Variants in GABRG3 observed in about 807,000 individuals in gnomAD.
The protein encoded by GABRG3 is gamma-aminobutyric acid type A receptor subunit gamma3.
In GABRG3, 25 loss-of-function variants were observed where a neutral mutation model predicts 48.8. The ratio of observed to expected loss-of-function variants is 0.51; its 90% CI spans 0.37 to 0.72. The LOEUF (loss-of-function observed/expected upper bound fraction) is 0.72, where lower values mean the gene tolerates loss of function less well. GABRG3 is among the 30% of genes least tolerant of loss of function. The pLI, the probability that GABRG3 is intolerant of heterozygous loss-of-function variation, is 0.00. For synonymous variants in GABRG3, 227 were observed against 217.6 expected (o/e 1.04, Z -0.38); for missense variants, 394 against 577.9 (o/e 0.68, Z 3.26).
At chr15:27,429,346 T>C (rs921151289) in intron 5 of GABRG3, among the ~76,000 whole-genome samples, 17 of 152,200 alleles carry the variant, frequency 1.1e-4, no homozygotes, top group Non-Finnish European at 1.9e-4. Flanking sequence ...CCTTCAGAGT[T>C]AGCAGAAGGG....
intron 5 of GABRG3, among the ~76,000 whole-genome samples, chr15:27,477,918 T>A (rs986441284): frequency 6.6e-6 from 1 of 151,788 alleles, no homozygotes; most frequent in African/African-American, 2.4e-5. Context: ...TGGTGGCAGG[T>A]GCCTGCAGTC....
chr15:27,278,688 C>T (rs1037347192), intron 3 of GABRG3, among the ~76,000 whole-genome samples: 5 of 152,208 alleles, frequency 3.3e-5, no homozygotes, highest in Admixed American at 2.0e-4. Context: ...TTTGTTTAAC[C>T]ACTCACTCCT....
chr15:27,097,333 C>G (rs1448767197), intron 3 of GABRG3, among the ~76,000 whole-genome samples: 1 of 152,002 alleles, frequency 6.6e-6, no homozygotes, highest in Non-Finnish European at 1.5e-5. Context: ...GTACTTGGGG[C>G]TTAGAAAGAG....
intron 6 of GABRG3, among the ~76,000 whole-genome samples, chr15:27,486,953 A>G (rs1890235251): frequency 6.6e-6 from 1 of 152,204 alleles, no homozygotes; most frequent in African/African-American, 2.4e-5. Context: ...GCAAATAGGA[A>G]TATATGTTTA....
intron 3 of GABRG3, among the ~76,000 whole-genome samples, chr15:27,237,240 G>C (rs1371819140): frequency 6.6e-6 from 1 of 152,252 alleles, no homozygotes; most frequent in African/African-American, 2.4e-5. Context: ...CCCACGAGCA[G>C]AGTTTCAGGA....
intron 2 of GABRG3, among the ~76,000 whole-genome samples, chr15:27,015,210 A>G (rs1208017648): frequency 6.6e-6 from 1 of 152,112 alleles, no homozygotes; most frequent in Non-Finnish European, 1.5e-5. Context: ...ATCTTTTTAA[A>G]ATCCATTTAG....
chr15:27,413,285 G>A (rs1321562063), intron 5 of GABRG3, among the ~76,000 whole-genome samples: 3 of 152,046 alleles, frequency 2.0e-5, no homozygotes, highest in African/African-American at 7.2e-5. Flanking sequence ...TTTATTTTAA[G>A]ACTACACATC....
At chr15:27,227,521 A>T (rs1270969470) in intron 3 of GABRG3, among the ~76,000 whole-genome samples, 4 of 151,970 alleles carry the variant, frequency 2.6e-5, no homozygotes. Context: ...AATGTAATAA[A>T]ATATATATTT....
chr15:27,009,245 G>T (rs1477530732), intron 2 of GABRG3, among the ~76,000 whole-genome samples: 1 of 152,148 alleles, frequency 6.6e-6, no homozygotes, highest in Non-Finnish European at 1.5e-5. Flanking sequence ...TGTAGAACAA[G>T]CCGTCAGTGT....
chr15:26,971,730 T>G, intron 1 of GABRG3, 142 bp downstream of exon 1: 1 of 891,320 alleles, frequency 1.1e-6, no homozygotes, highest in Non-Finnish European at 1.6e-6. Context: ...GGGAAGTCGG[T>G]CTGCACCTCA....
intron 7 of GABRG3, among the ~76,000 whole-genome samples, chr15:27,524,498 AT>A (rs1200966904): frequency 2.0e-5 from 3 of 152,144 alleles, no homozygotes; most frequent in African/African-American, 4.8e-5. Context: ...AGTTTTCTAA[AT>A]TACTTATAAT....
At chr15:27,317,038 G>C (rs1379860833) in intron 3 of GABRG3, among the ~76,000 whole-genome samples, 2 of 152,134 alleles carry the variant, frequency 1.3e-5, no homozygotes, top group Non-Finnish European at 2.9e-5. Context: ...TGCTTTGATT[G>C]ATTGATTTGT....
At chr15:27,530,262 G>A (rs971240703) in intron 9 of GABRG3, among the ~76,000 whole-genome samples, 3 of 152,148 alleles carry the variant, frequency 2.0e-5, no homozygotes, top group South Asian at 4.1e-4. Flanking sequence ...CAGGAAGCAC[G>A]GTGCTCTGGG....
At chr15:27,143,606 A>G (rs1898145363) in intron 3 of GABRG3, among the ~76,000 whole-genome samples, 1 of 152,210 alleles carries the variant, frequency 6.6e-6, no homozygotes, top group South Asian at 2.1e-4. Flanking sequence ...TTTCACAACA[A>G]CATTTGAGAT....
intron 3 of GABRG3, among the ~76,000 whole-genome samples, chr15:27,101,310 G>T (rs1042893005): frequency 1.3e-5 from 2 of 152,130 alleles, no homozygotes; most frequent in African/African-American, 4.8e-5. Flanking sequence ...AGAAAGCAGA[G>T]AAGCCCTAAG....
At position 26,976,722 on chromosome 15, in the gene GABRG3, A is replaced by C. The variant is rs1595450924; in HGVS notation, c.54-280A>C. On this transcript the variant is annotated intron_variant, in intron 1 of 9. Coordinates refer to ENST00000615808, the MANE Select transcript of GABRG3 (RefSeq NM_033223.5). The surrounding 1 kb of genome is among the most constrained non-coding windows in gnomAD (Gnocchi z 7.8). ...GCTGGTTGGCCCTCTGGTGTTGTTT[A>C]CCTGCCACGTTGTCTGTAGTTTAAC... 6.6e-6 allele frequency among the ~76,000 whole-genome samples: 1 copy of C among 151,998 alleles called. No individual in the cohort carries two copies. Among genetic ancestry groups the C allele is most frequent in the Admixed American group, 6.5e-5 (1 of 15,272 alleles).
At chr15:27,234,629 G>A (rs1889899972) in intron 3 of GABRG3, among the ~76,000 whole-genome samples, 1 of 152,094 alleles carries the variant, frequency 6.6e-6, no homozygotes, top group South Asian at 2.1e-4. Context: ...CCTGGGTACT[G>A]GTGCTGGACT....
At chr15:27,472,114 A>G (rs141504350) in intron 5 of GABRG3, among the ~76,000 whole-genome samples, 106 of 152,108 alleles carry the variant, frequency 7.0e-4, no homozygotes, top group African/African-American at 2.4e-3. Flanking sequence ...TTTTTAATCT[A>G]TGTTTGGCTC....
chr15:27,409,224 ATAGT>A (rs1036631961), intron 5 of GABRG3, among the ~76,000 whole-genome samples: 2 of 152,112 alleles, frequency 1.3e-5, no homozygotes, highest in African/African-American at 2.4e-5. Flanking sequence ...TTTTTCCAAA[ATAGT>A]TATAGTTTTA....
Sources: allele counts gnomAD v4.1 joint callset (sites outside exome capture counted in the v4.1 genomes callset), GRCh38; gene constraint gnomAD v4.1.1; non-coding constraint Gnocchi (gnomAD v3.1); transcripts MANE v1.5; gene names NCBI Gene and HGNC (gene_info 2026-07-23, HGNC 2026-07-21).